PPP2R2C: variants seen among roughly 807,000 people sequenced by gnomAD.
The protein encoded by PPP2R2C is protein phosphatase 2 regulatory subunit Bgamma.
PPP2R2C carries 10 observed loss-of-function variants against 45.3 expected under a neutral mutation model. The observed-to-expected ratio is 0.22, with a 90% confidence interval of 0.14 to 0.37. The LOEUF (loss-of-function observed/expected upper bound fraction) is 0.37. Among genes scored for constraint, PPP2R2C ranks in the 10% least tolerant of loss-of-function variants. The probability of loss-of-function intolerance (pLI) is 1.00; values close to 1 mark genes in which losing one functional copy is unlikely to be tolerated. For missense variants in PPP2R2C, 308 were observed against 619.7 expected, an observed-to-expected ratio of 0.50 and a Z score of 5.34; for synonymous variants, 257 against 245.4, an observed-to-expected ratio of 1.05 and a Z score of -0.44.
At chr4:6,326,284 A>C (rs901438656) in intron 8 of PPP2R2C, among the ~76,000 whole-genome samples, 2 of 152,090 alleles carry the variant, frequency 1.3e-5, no homozygotes, top group Non-Finnish European at 2.9e-5. Context: ...GAGATGGGGA[A>C]GCATGGAGAG....
chr4:6,507,634 G>A (rs190295340), intron 2 of PPP2R2C, among the ~76,000 whole-genome samples: 96 of 152,360 alleles, frequency 6.3e-4, no homozygotes, highest in Non-Finnish European at 1.1e-3. Context: ...GTAGCCTCAG[G>A]TGAGACCAGC....
At chr4:6,351,355 G>T in intron 5 of PPP2R2C, 2 of 980,004 alleles carry the variant, frequency 2.0e-6, no homozygotes, top group Non-Finnish European at 2.4e-6. Context: ...ATAAAAGTAT[G>T]CAGGGCTCCA....
At chr4:6,409,951 C>A (rs570237904) in intron 1 of PPP2R2C, among the ~76,000 whole-genome samples, 26 of 152,334 alleles carry the variant, frequency 1.7e-4, no homozygotes, top group African/African-American at 6.0e-4. Flanking sequence ...GCCTTCCCTG[C>A]CTTCTGCTCT....
intron 1 of PPP2R2C, 167 bp from the exon 2 acceptor site, chr4:6,381,261 C>G (rs1028050755): frequency 6.5e-7 from 1 of 1,533,258 alleles, no homozygotes; most frequent in South Asian, 1.2e-5. Context: ...CGAGGGGCCA[C>G]CAACCTGTCC....
chr4:6,474,878 C>T (rs1211760876), upstream of PPP2R2C, among the ~76,000 whole-genome samples: 3 of 151,566 alleles, frequency 2.0e-5, no homozygotes, highest in South Asian at 4.2e-4. Flanking sequence ...CAATCTGCTG[C>T]TTCCTCATCT....
intron 2 of PPP2R2C, among the ~76,000 whole-genome samples, chr4:6,491,272 G>A (rs1208520413): frequency 6.6e-6 from 1 of 152,176 alleles, no homozygotes; most frequent in Non-Finnish European, 1.5e-5. Context: ...CCCTCATCCT[G>A]CCCCTCCCCA....
intron 1 of PPP2R2C, among the ~76,000 whole-genome samples, chr4:6,548,943 G>C (rs541376558): frequency 6.6e-6 from 1 of 152,110 alleles, no homozygotes; most frequent in African/African-American, 2.4e-5. Flanking sequence ...CCCTCTCCCC[G>C]CCTTCCCTCT....
Position 6,375,177 on chromosome 4 carries a change from C to T in PPP2R2C, c.447+642G>A, listed in dbSNP as rs79198241. Among the ~76,000 whole-genome samples, 1,143 of 152,296 alleles carry T rather than the reference C, an allele frequency of 7.5e-3. 54 individuals are homozygous for T. The East Asian group carries it at 0.13, about 17-fold the overall frequency. ...CTCATTACTCAACATCGAAGCTAAT[C>T]GGCTGCCCACTTCCTCAGAATTTAT... On this transcript the variant is annotated intron_variant, in intron 4 of 8. Transcript: ENST00000382599.
intron 6 of PPP2R2C, among the ~76,000 whole-genome samples, chr4:6,346,141 G>C (rs2109219383): frequency 6.6e-6 from 1 of 152,288 alleles, no homozygotes; most frequent in East Asian, 1.9e-4. Context: ...AACCCCCTCA[G>C]TGGGGTCACC....
At chr4:6,446,442 C>T (rs1220419009) in intron 1 of PPP2R2C, among the ~76,000 whole-genome samples, 1 of 152,108 alleles carries the variant, frequency 6.6e-6, no homozygotes, top group African/African-American at 2.4e-5. Context: ...GGGGAACAGA[C>T]GGATCCTTGC....
intron 1 of PPP2R2C, chr4:6,420,945 C>T (rs1718919569): frequency 5.1e-6 from 5 of 985,206 alleles, no homozygotes; most frequent in Non-Finnish European, 6.0e-6. Flanking sequence ...ACGCCACCTA[C>T]CAGGCAGGCC....
chr4:6,464,806 G>A (rs1721506771), intron 1 of PPP2R2C, among the ~76,000 whole-genome samples: 2 of 151,860 alleles, frequency 1.3e-5, no homozygotes, highest in African/African-American at 4.8e-5. Flanking sequence ...GGAACGATGG[G>A]AGTAGGGGGT....
At chr4:6,347,793 A>ACCCC in intron 6 of PPP2R2C, 53 bp downstream of exon 6, 6 of 535,894 alleles carry the variant, frequency 1.1e-5, no homozygotes, top group Admixed American at 6.8e-5. Flanking sequence ...AGGACATCCC[A>ACCCC]CCCGCCCGCC....
At chr4:6,459,741 C>A (rs189536163) in intron 1 of PPP2R2C, among the ~76,000 whole-genome samples, 1 of 152,202 alleles carries the variant, frequency 6.6e-6, no homozygotes, top group Admixed American at 6.5e-5. Flanking sequence ...GAGCCAAGAT[C>A]ACGACACTGC....
intron 2 of PPP2R2C, among the ~76,000 whole-genome samples, chr4:6,511,135 C>T (rs1452597387): frequency 4.6e-5 from 7 of 152,176 alleles, no homozygotes; most frequent in Admixed American, 3.9e-4. Flanking sequence ...AGATAATAAT[C>T]GCCCATTGCA....
rs1271010006 is a variant in PPP2R2C at position 6,321,688 on chromosome 4, G to C, written c.*1614C>G. On this transcript the variant is annotated 3_prime_UTR_variant, in exon 9 of 9. Transcript: ENST00000382599. Reference sequence around the variant, plus strand: ...AAAACCAAAAAAAAAGTTTGGATTTGGCTGGGTCTCTGCTCCCCACTTTCT... The same window carrying C: ...AAAACCAAAAAAAAAGTTTGGATTTCGCTGGGTCTCTGCTCCCCACTTTCT... The C allele has an allele frequency of 6.6e-6, 1 of 152,116 alleles. No homozygotes were observed. The highest frequency in any genetic ancestry group is 2.4e-5 in the African/African-American group (1 of 41,408). The allele number at this position is 152,116 out of a possible 1,614,324, so 9.4% of individuals were successfully genotyped here.
chr4:6,396,379 C>T (rs1229223209), intron 1 of PPP2R2C, among the ~76,000 whole-genome samples: 4 of 152,198 alleles, frequency 2.6e-5, no homozygotes, highest in Admixed American at 2.0e-4. Flanking sequence ...GATCAGTGCA[C>T]CCATTATAAA....
At chr4:6,391,873 C>A (rs1716669416) in intron 1 of PPP2R2C, among the ~76,000 whole-genome samples, 1 of 152,240 alleles carries the variant, frequency 6.6e-6, no homozygotes, top group Non-Finnish European at 1.5e-5. Flanking sequence ...CCACCCTGAC[C>A]AGCTGTGTGA....
chr4:6,499,038 C>G (rs1352003126), intron 2 of PPP2R2C, among the ~76,000 whole-genome samples: 2 of 152,124 alleles, frequency 1.3e-5, no homozygotes, highest in African/African-American at 4.8e-5. Context: ...GCGGACCACA[C>G]AGCCAGTCTG....
Sources: allele counts gnomAD v4.1 joint callset (sites outside exome capture counted in the v4.1 genomes callset), GRCh38; gene constraint gnomAD v4.1.1; transcripts MANE v1.5; gene names NCBI Gene and HGNC (gene_info 2026-07-23, HGNC 2026-07-21).